Variants in MDGA2 observed in about 807,000 individuals in gnomAD.
MDGA2 encodes the protein MAM domain containing glycosylphosphatidylinositol anchor 2.
A neutral mutation model predicts 117.8 loss-of-function variants in MDGA2; 40 were observed. The ratio of observed to expected loss-of-function variants is 0.34; its 90% CI spans 0.26 to 0.44. The LOEUF is 0.44. Ranked by LOEUF, MDGA2 falls within the 20% of genes least tolerant of loss-of-function variation. MDGA2 has a pLI of 1.00. For synonymous variants in MDGA2, 452 were observed against 439.0 expected, an observed-to-expected ratio of 1.03 and a Z score of -0.37; for missense variants, 1,123 against 1,250.6, an observed-to-expected ratio of 0.90 and a Z score of 1.54.
In MDGA2 at chr14:46,937,076, A is replaced by T. The variant is rs956954891; in HGVS notation, c.2090-16916T>A. ...CTACCAAAAAAACTCTTAGAACTGA[A>T]AAATAAATTTAATAAAGTTGCAGGA... On this transcript the variant is annotated intron_variant, in intron 9 of 16. Coordinates refer to ENST00000399232, the MANE Select transcript of MDGA2 (RefSeq NM_001113498.3). Among the ~76,000 whole-genome samples, 4 of 152,146 alleles carry T rather than the reference A, an allele frequency of 2.6e-5. 1 individual carries two copies. Among genetic ancestry groups the T allele is most frequent in the African/African-American group, 9.7e-5 (4 of 41,438 alleles).
chr14:46,960,191 A>C (rs113952688), intron 8 of MDGA2, among the ~76,000 whole-genome samples: 111 of 152,312 alleles, frequency 7.3e-4, no homozygotes, highest in African/African-American at 2.6e-3. Context: ...GCTGCACTCC[A>C]GCCTGGGAAA....
intron 3 of MDGA2, among the ~76,000 whole-genome samples, chr14:47,174,578 T>A (rs982729981): frequency 5.9e-5 from 9 of 152,082 alleles, no homozygotes; most frequent in Non-Finnish European, 8.8e-5. Context: ...AAGGCAGAAA[T>A]AAAGATGTTC....
chr14:47,439,908 GAT>G (rs1475048448), intron 1 of MDGA2, among the ~76,000 whole-genome samples: 1 of 151,888 alleles, frequency 6.6e-6, no homozygotes, highest in Non-Finnish European at 1.5e-5. Flanking sequence ...GGTGCATGAA[GAT>G]AATAAAAAGC....
intron 5 of MDGA2, among the ~76,000 whole-genome samples, chr14:47,097,547 C>G (rs963054550): frequency 2.0e-5 from 3 of 151,908 alleles, no homozygotes; most frequent in African/African-American, 7.2e-5. Context: ...TTTTTTGGAT[C>G]ATTCTGAGAT....
chr14:46,890,405 GT>G lies in MDGA2; in HGVS notation c.2239-8185del, dbSNP rs201136125. On this transcript the variant is annotated intron_variant, in intron 10 of 16. Coordinates refer to ENST00000399232, the MANE Select transcript of MDGA2 (RefSeq NM_001113498.3). ...AATTCTCAACTGACCTTTTCAAAAA[GT>G]TTTTAACTTATATAGCAAACTACTT... 8.2e-3 allele frequency among the ~76,000 whole-genome samples: 1,245 copies of G among 152,178 alleles called. 9 individuals are homozygous for G. Among genetic ancestry groups the G allele is most frequent in the Non-Finnish European group, 0.011 (748 of 67,982 alleles).
intron 7 of MDGA2, among the ~76,000 whole-genome samples, chr14:47,037,320 A>G (rs961047328): frequency 1.3e-5 from 2 of 152,228 alleles, no homozygotes; most frequent in Non-Finnish European, 2.9e-5. Flanking sequence ...TAAAATAAAC[A>G]ATTAAGAACA....
At chr14:46,869,434 T>G (rs1010688177) in intron 14 of MDGA2, among the ~76,000 whole-genome samples, 1 of 150,888 alleles carries the variant, frequency 6.6e-6, no homozygotes, top group African/African-American at 2.4e-5. Context: ...GTCACAGGAA[T>G]GCTGAAAGAA....
At chr14:47,464,112 C>CACAA (rs1268226514) in intron 1 of MDGA2, among the ~76,000 whole-genome samples, 1 of 146,964 alleles carries the variant, frequency 6.8e-6, no homozygotes. Flanking sequence ...CACACACACA[C>CACAA]ACACACACAC....
chr14:47,055,248 T>C (rs997192061), intron 7 of MDGA2, among the ~76,000 whole-genome samples: 4 of 152,066 alleles, frequency 2.6e-5, no homozygotes, highest in African/African-American at 9.7e-5. Context: ...TCTAATTGTC[T>C]CTTTTCTGAA....
chr14:47,042,310 ATGT>A (rs1264019769), intron 7 of MDGA2, among the ~76,000 whole-genome samples: 63 of 94,960 alleles, frequency 6.6e-4, no homozygotes, highest in African/African-American at 2.5e-3. Flanking sequence ...AACCAAATCT[ATGT>A]TTTTTTTTTT....
At chr14:47,203,301 G>A (rs963481014) in intron 3 of MDGA2, among the ~76,000 whole-genome samples, 3 of 151,932 alleles carry the variant, frequency 2.0e-5, no homozygotes, top group African/African-American at 7.2e-5. Context: ...GCTTAGAGAA[G>A]GGGGATGCTA....
intron 7 of MDGA2, among the ~76,000 whole-genome samples, chr14:47,061,001 ATATC>A (rs953560420): frequency 4.6e-5 from 7 of 152,140 alleles, no homozygotes; most frequent in Admixed American, 1.3e-4. Flanking sequence ...TTATAAGCCT[ATATC>A]TATCTTAGTC....
At chr14:46,881,516 C>A (rs1566505886) in intron 11 of MDGA2, among the ~76,000 whole-genome samples, 3 of 152,072 alleles carry the variant, frequency 2.0e-5, no homozygotes, top group Non-Finnish European at 4.4e-5. Flanking sequence ...ATAATAATTT[C>A]TTAGTAGTTG....
intron 3 of MDGA2, among the ~76,000 whole-genome samples, chr14:47,188,707 T>G (rs557817912): frequency 6.6e-6 from 1 of 152,264 alleles, no homozygotes; most frequent in Non-Finnish European, 1.5e-5. Context: ...GTAAAAAATG[T>G]TTGTAGCAGT....
Position 47,291,653 on chromosome 14 carries a change from G to A in MDGA2, c.420+9758C>T, listed in dbSNP as rs541231617. 7.9e-5 allele frequency among the ~76,000 whole-genome samples: 12 copies of A among 152,278 alleles called. No individual in the cohort carries two copies. In the South Asian group the frequency reaches 8.3e-4, roughly 11 times the overall value. ...GTACGCTGTAGATTATCAGCATTACGTGGCTGTCTGAGAGCTGAAGCTCGC... is the reference window on the plus strand; with the variant it reads ...GTACGCTGTAGATTATCAGCATTACATGGCTGTCTGAGAGCTGAAGCTCGC... On this transcript the variant is annotated intron_variant, in intron 2 of 16. Transcript: ENST00000399232.
intron 1 of MDGA2, among the ~76,000 whole-genome samples, chr14:47,334,699 T>C (rs1890390397): frequency 6.6e-6 from 1 of 151,978 alleles, no homozygotes; most frequent in African/African-American, 2.4e-5. Flanking sequence ...AGTAAAGATG[T>C]TATTGATATC....
intron 3 of MDGA2, among the ~76,000 whole-genome samples, chr14:47,180,836 G>A (rs1373293432): frequency 6.6e-6 from 1 of 152,094 alleles, no homozygotes; most frequent in Non-Finnish European, 1.5e-5. Flanking sequence ...TAGGAGAATC[G>A]CTTGAACCCG....
intron 1 of MDGA2, among the ~76,000 whole-genome samples, chr14:47,547,469 T>C (rs1030381437): frequency 2.6e-5 from 4 of 152,180 alleles, no homozygotes; most frequent in African/African-American, 9.7e-5. Flanking sequence ...TTCCTAGGTT[T>C]TATGTGTTTC....
rs1880618622 is a variant in MDGA2, at chr14:46,841,709, C to A, written c.*222G>T. On this transcript the variant is annotated 3_prime_UTR_variant, in exon 17 of 17. Transcript: ENST00000399232. Reference sequence around the variant, plus strand: ...AAAGCACCTGAAGGTCTCTTCTCTACTCAGGTCAAGATTATCTTTTATGTT... The same window carrying A: ...AAAGCACCTGAAGGTCTCTTCTCTAATCAGGTCAAGATTATCTTTTATGTT... 1 of 271,430 alleles carries A rather than the reference C, an allele frequency of 3.7e-6. No homozygotes were observed. The highest frequency in any genetic ancestry group is 1.4e-4 in the South Asian group (1 of 7,064). The allele number at this position is 271,430 out of a possible 1,614,324, so 16.8% of individuals were successfully genotyped here.
Sources: gnomAD v4.1 joint callset for allele counts (sites outside exome capture counted in the v4.1 genomes callset) on GRCh38, gnomAD v4.1.1 for gene constraint, MANE v1.5 for transcripts, NCBI Gene and HGNC (gene_info 2026-07-23, HGNC 2026-07-21) for gene names.